The following ZDHHC13 variants were observed in gnomAD, a reference collection of about 807,000 sequenced individuals.
ZDHHC13 encodes zDHHC palmitoyltransferase 13, also known as palmitoyltransferase ZDHHC13.
Under a neutral mutation model 86.0 loss-of-function variants are expected in ZDHHC13, and 85 were observed. That is an observed-to-expected ratio of 0.99 (90% confidence interval 0.83 to 1.18). The LOEUF (loss-of-function observed/expected upper bound fraction) is 1.18. ZDHHC13 is among the 50% of genes most tolerant of loss of function. The pLI is 0.00. For synonymous variants in ZDHHC13, 263 were observed against 246.4 expected (o/e 1.07, Z -0.63); for missense variants, 711 against 730.2 (o/e 0.97, Z 0.30).
chr11:19,118,105 A>G (rs1346621142), intron 1 of ZDHHC13, among the ~76,000 whole-genome samples: 3 of 152,116 alleles, frequency 2.0e-5, no homozygotes, highest in Non-Finnish European at 4.4e-5. Context: ...AACCCATGTC[A>G]GATGCTTTCA....
intron 1 of ZDHHC13, among the ~76,000 whole-genome samples, chr11:19,134,871 AAG>A (rs1393788567): frequency 6.6e-6 from 1 of 152,196 alleles, no homozygotes; most frequent in Non-Finnish European, 1.5e-5. Flanking sequence ...AAAAATTAAA[AAG>A]AAAAAAATAT....
chr11:19,172,167 G>A (rs907799587), intron 15 of ZDHHC13, among the ~76,000 whole-genome samples: 6 of 152,082 alleles, frequency 3.9e-5, no homozygotes, highest in African/African-American at 9.7e-5. Flanking sequence ...CCGCCTTCCC[G>A]TGTCAAGTGA....
chr11:19,151,687 G>A (rs186044628), intron 6 of ZDHHC13, among the ~76,000 whole-genome samples: 73 of 152,150 alleles, frequency 4.8e-4, no homozygotes, highest in African/African-American at 1.5e-3. Flanking sequence ...CTTCTAGTCC[G>A]TAACTTTCTA....
At chr11:19,166,222 G>A (rs1362524714) in intron 13 of ZDHHC13, 80 bp from the exon 14 acceptor site, 19 of 1,137,562 alleles carry the variant, frequency 1.7e-5, no homozygotes, top group Non-Finnish European at 2.4e-5. Context: ...ACTTTTGACA[G>A]GAAAGTGGTT....
chr11:19,147,961 G>C (rs2134622), intron 4 of ZDHHC13, among the ~76,000 whole-genome samples: 99,488 of 151,884 alleles, frequency 0.66, 33,385 homozygotes, highest in Admixed American at 0.76. Context: ...GTTCAGTGAA[G>C]TGCAAACTCA....
intron 5 of ZDHHC13, among the ~76,000 whole-genome samples, chr11:19,150,380 C>T (rs184070387): frequency 1.4e-4 from 22 of 152,164 alleles, no homozygotes; most frequent in South Asian, 4.1e-4. Flanking sequence ...AATGATAATG[C>T]GAATTAATGT....
intron 1 of ZDHHC13, among the ~76,000 whole-genome samples, chr11:19,142,673 TAGTA>T (rs1477748094): frequency 3.9e-5 from 6 of 152,154 alleles, no homozygotes; most frequent in Admixed American, 3.9e-4. Flanking sequence ...TTTTTTGTAA[TAGTA>T]AGCATCTTTT....
intron 10 of ZDHHC13, 111 bp from the exon 11 acceptor site, chr11:19,163,192 A>G (rs1849958645): frequency 1.8e-6 from 2 of 1,117,820 alleles, no homozygotes; most frequent in Non-Finnish European, 2.4e-6. Flanking sequence ...GGGCAGGGAC[A>G]TGTGTGCATA....
intron 1 of ZDHHC13, among the ~76,000 whole-genome samples, chr11:19,134,028 T>C (rs1849068487): frequency 6.6e-6 from 1 of 151,108 alleles, no homozygotes; most frequent in Admixed American, 6.6e-5. Flanking sequence ...GAGTCTCTTT[T>C]ATATGGCTCT....
intron 9 of ZDHHC13, among the ~76,000 whole-genome samples, chr11:19,157,062 T>C (rs1849775257): frequency 6.6e-6 from 1 of 152,210 alleles, no homozygotes; most frequent in South Asian, 2.1e-4. Context: ...CTTGCTTGGG[T>C]CTTTGTCTGA....
intron 15 of ZDHHC13, 54 bp from the exon 16 acceptor site, chr11:19,172,669 T>G: frequency 7.2e-7 from 1 of 1,384,916 alleles, no homozygotes; most frequent in East Asian, 2.5e-5. Flanking sequence ...TATTGTTTTA[T>G]TTATCTAAAA....
chr11:19,142,397 G>A (rs1437764906), intron 1 of ZDHHC13, among the ~76,000 whole-genome samples: 1 of 152,140 alleles, frequency 6.6e-6, no homozygotes, highest in African/African-American at 2.4e-5. Context: ...GGGAGTAATT[G>A]TCTCATCACC....
At chr11:19,125,963 C>T (rs1408508925) in intron 1 of ZDHHC13, among the ~76,000 whole-genome samples, 4 of 151,992 alleles carry the variant, frequency 2.6e-5, no homozygotes, top group South Asian at 2.1e-4. Context: ...ATGATGGTGG[C>T]GGTTACGTGA....
At chr11:19,160,602 T>C (rs897031137) in intron 10 of ZDHHC13, among the ~76,000 whole-genome samples, 4 of 151,940 alleles carry the variant, frequency 2.6e-5, no homozygotes, top group Non-Finnish European at 5.9e-5. Flanking sequence ...GATAAATTTT[T>C]AAAATTTGAG....
intron 10 of ZDHHC13, among the ~76,000 whole-genome samples, chr11:19,159,608 A>T (rs111370456): frequency 6.6e-6 from 1 of 152,058 alleles, no homozygotes; most frequent in South Asian, 2.1e-4. Flanking sequence ...TTTTTAAAAA[A>T]TTTTAATCAT....
chr11:19,144,466 T>TGTGTGTGTGTGTGTGTGTGTG, intron 2 of ZDHHC13, among the ~76,000 whole-genome samples: 1 of 149,772 alleles, frequency 6.7e-6, no homozygotes, highest in African/African-American at 2.4e-5. Context: ...TGTGTGTGTG[T>TGTGTGTGTGTGTGTGTGTGTG]TTTCTAAACC....
At position 19,165,072 on chromosome 11, in the gene ZDHHC13, ACTC is replaced by A; in HGVS notation, c.1319_1321del (p.Leu440del). ...CTTAGATAAGGAAGCCATTAAGGTCACTCCACTGCCATGTATGCAACTGCTGTG... is the reference window on the plus strand; with the variant it reads ...CTTAGATAAGGAAGCCATTAAGGTCACACTGCCATGTATGCAACTGCTGTG... On this transcript the variant is annotated inframe_deletion, in exon 13 of 17. Transcript: ENST00000446113. 1 of 1,612,714 alleles carries A rather than the reference ACTC, an allele frequency of 6.2e-7. No individual in the cohort carries two copies. Among genetic ancestry groups the A allele is most frequent in the Non-Finnish European group, 8.5e-7 (1 of 1,179,378 alleles).
chr11:19,169,022 A>G, intron 14 of ZDHHC13: 1 of 985,478 alleles, frequency 1.0e-6, no homozygotes, highest in Non-Finnish European at 1.2e-6. Flanking sequence ...ATTAGCACAA[A>G]TTAAAGTGTT....
At chr11:19,164,576 C>A (rs1029054743) in intron 12 of ZDHHC13, 1 of 567,818 alleles carries the variant, frequency 1.8e-6, no homozygotes, top group Non-Finnish European at 3.1e-6. Context: ...TACATCTCTC[C>A]GTGAATTATC....
Sources: gnomAD v4.1 joint callset for allele counts (sites outside exome capture counted in the v4.1 genomes callset) on GRCh38, gnomAD v4.1.1 for gene constraint, MANE v1.5 for transcripts, NCBI Gene and HGNC (gene_info 2026-07-23, HGNC 2026-07-21) for gene names.